The following INPP4B variants were observed in gnomAD, a reference collection of about 807,000 sequenced individuals.
INPP4B encodes inositol polyphosphate 4-phosphatase type II.
INPP4B carries 55 observed loss-of-function variants against 122.5 expected under a neutral mutation model. That is an observed-to-expected ratio of 0.45 (90% CI 0.36 to 0.56). The LOEUF (loss-of-function observed/expected upper bound fraction) is 0.56, where lower values mean the gene tolerates loss of function less well. Among genes scored for constraint, INPP4B ranks in the 20% least tolerant of loss-of-function variants. INPP4B has a pLI of 0.00. For synonymous variants in INPP4B, 403 were observed against 388.7 expected (o/e 1.04, Z -0.43); for missense variants, 1,000 against 1,097.7 (o/e 0.91, Z 1.26).
chr4:142,308,220 G>T lies in INPP4B; in HGVS notation c.424-2683C>A, dbSNP rs370090195. 2.6e-5 allele frequency among the ~76,000 whole-genome samples: 4 copies of T among 152,280 alleles called. No homozygotes were observed. The South Asian group carries it at 6.2e-4, about 24-fold the overall frequency. ...CATTATAACTGTCAGCCACTTGCTT[G>T]ATCTCAAAGGATAATGAAAATGGTC... On this transcript the variant is annotated intron_variant, in intron 8 of 25. Coordinates refer to ENST00000262992, the MANE Select transcript of INPP4B (RefSeq NM_001101669.3).
intron 4 of INPP4B, among the ~76,000 whole-genome samples, chr4:142,430,947 T>A (rs1809169767): frequency 6.6e-6 from 1 of 152,126 alleles, no homozygotes; most frequent in Non-Finnish European, 1.5e-5. Flanking sequence ...AACCATTTCA[T>A]GGACTATCAT....
chr4:142,357,430 CAGA>C (rs747848516), intron 7 of INPP4B, among the ~76,000 whole-genome samples: 25 of 152,108 alleles, frequency 1.6e-4, no homozygotes, highest in Non-Finnish European at 3.1e-4. Context: ...CATCTGGTCA[CAGA>C]AGTGTTGAGT....
At chr4:142,679,939 T>G (rs1758385682) in intron 2 of INPP4B, among the ~76,000 whole-genome samples, 1 of 151,778 alleles carries the variant, frequency 6.6e-6, no homozygotes, top group African/African-American at 2.4e-5. Context: ...ATCTAGACAT[T>G]AGAGACTTAA....
At chr4:142,436,530 C>T (rs1003101333) in intron 3 of INPP4B, among the ~76,000 whole-genome samples, 8 of 152,114 alleles carry the variant, frequency 5.3e-5, no homozygotes, top group African/African-American at 1.9e-4. Context: ...CTCTTGAGGT[C>T]TGAGATACCA....
intron 1 of INPP4B, among the ~76,000 whole-genome samples, chr4:142,729,895 C>A (rs1181200289): frequency 1.3e-5 from 2 of 152,172 alleles, no homozygotes; most frequent in Non-Finnish European, 2.9e-5. Context: ...CATTCAGAAT[C>A]TTTACTTTGC....
chr4:142,328,901 CT>C (rs888352236), intron 7 of INPP4B, among the ~76,000 whole-genome samples: 2 of 152,116 alleles, frequency 1.3e-5, no homozygotes, highest in African/African-American at 4.8e-5. Flanking sequence ...TAATCTTACC[CT>C]TTTTAAGACA....
chr4:142,317,283 G>A (rs1359751380), intron 7 of INPP4B: 1 of 368,336 alleles, frequency 2.7e-6, no homozygotes, highest in Non-Finnish European at 5.4e-6. Context: ...AACCGCAGAG[G>A]AGCCCCTCGA....
intron 18 of INPP4B, among the ~76,000 whole-genome samples, chr4:142,141,600 G>A (rs1232630215): frequency 1.3e-5 from 2 of 152,068 alleles, no homozygotes; most frequent in Admixed American, 6.6e-5. Context: ...AGCACTATCT[G>A]CATTTACCCT....
intron 15 of INPP4B, among the ~76,000 whole-genome samples, chr4:142,176,835 C>T (rs945110735): frequency 6.6e-6 from 1 of 152,118 alleles, no homozygotes; most frequent in African/African-American, 2.4e-5. Flanking sequence ...CCCCTCTAAA[C>T]CCTTGATCAT....
chr4:142,102,419 T>G (rs1020707519), intron 23 of INPP4B, among the ~76,000 whole-genome samples: 3 of 151,446 alleles, frequency 2.0e-5, no homozygotes, highest in African/African-American at 7.3e-5. Context: ...AGAACCATGG[T>G]TGATCAGATT....
chr4:142,544,109 A>G (rs1829252455), intron 2 of INPP4B, among the ~76,000 whole-genome samples: 1 of 24,062 alleles, frequency 4.2e-5, no homozygotes, highest in African/African-American at 1.4e-4. Context: ...ATAATGCACA[A>G]ATACTGCATG....
At chr4:142,176,039 C>A (rs1290920605) in intron 15 of INPP4B, among the ~76,000 whole-genome samples, 4 of 151,682 alleles carry the variant, frequency 2.6e-5, no homozygotes, top group African/African-American at 9.7e-5. Context: ...ACAGGCTCCC[C>A]GTGGCTTAGC....
At chr4:142,203,244 T>C (rs1463392374) in intron 14 of INPP4B, among the ~76,000 whole-genome samples, 1 of 152,154 alleles carries the variant, frequency 6.6e-6, no homozygotes, top group Non-Finnish European at 1.5e-5. Flanking sequence ...GAGTTAGCTA[T>C]ACATTAATAA....
At chr4:142,375,691 G>A (rs763004862) in intron 7 of INPP4B, among the ~76,000 whole-genome samples, 5 of 151,850 alleles carry the variant, frequency 3.3e-5, no homozygotes, top group Admixed American at 6.6e-5. Context: ...TTTGCTTCCT[G>A]GCTTATAAAG....
intron 5 of INPP4B, chr4:142,423,684 C>T (rs1807413835): frequency 3.0e-6 from 1 of 338,250 alleles, no homozygotes; most frequent in South Asian, 2.5e-5. Flanking sequence ...TAGGACGGTA[C>T]ACATCATTTA....
At chr4:142,743,642 G>C (rs1248772231) in intron 1 of INPP4B, among the ~76,000 whole-genome samples, 2 of 151,926 alleles carry the variant, frequency 1.3e-5, no homozygotes, top group Non-Finnish European at 2.9e-5. Context: ...GAAATTGGCT[G>C]CTTTATGAGT....
At chr4:142,757,498 C>A (rs1374663520) in intron 1 of INPP4B, among the ~76,000 whole-genome samples, 1 of 152,124 alleles carries the variant, frequency 6.6e-6, no homozygotes, top group African/African-American at 2.4e-5. Context: ...CATAGTTTTG[C>A]CTTTTCCAGA....
At chr4:142,087,609 G>C (rs1243873248) in intron 23 of INPP4B, among the ~76,000 whole-genome samples, 2 of 152,170 alleles carry the variant, frequency 1.3e-5, no homozygotes, top group Non-Finnish European at 2.9e-5. Context: ...AAATAAGATG[G>C]ACTACAACTA....
rs1395916867 is a variant in INPP4B at position 142,414,329 on chromosome 4, TCA to T, written c.137-9007_137-9006del. On this transcript the variant is annotated intron_variant, in intron 5 of 25. Transcript: ENST00000262992. ...AAAAAAATGGATGAGAAGATAAAAT[TCA>T]CTTCTTTAGCTGGGAATATTATTGA... 3.3e-5 allele frequency among the ~76,000 whole-genome samples: 5 copies of T among 152,104 alleles called. 1 individual carries two copies. The East Asian group carries it at 9.6e-4, about 29-fold the overall frequency.
Sources: allele counts gnomAD v4.1 joint callset (sites outside exome capture counted in the v4.1 genomes callset), GRCh38; gene constraint gnomAD v4.1.1; transcripts MANE v1.5; gene names NCBI Gene and HGNC (gene_info 2026-07-23, HGNC 2026-07-21).